The following SETBP1 variants were observed in gnomAD, a reference collection of about 807,000 sequenced individuals.
SETBP1 encodes the protein SET binding protein 1, also known as SET-binding protein.
SETBP1 carries 9 observed loss-of-function variants against 101.0 expected under a neutral mutation model. The observed-to-expected ratio is 0.09, with a 90% confidence interval of 0.05 to 0.16. The LOEUF (loss-of-function observed/expected upper bound fraction) is 0.16, where lower values mean the gene tolerates loss of function less well. SETBP1 is among the 10% of genes least tolerant of loss of function. The probability of loss-of-function intolerance (pLI) is 1.00; values close to 1 mark genes in which losing one functional copy is unlikely to be tolerated. For missense variants in SETBP1, 1,858 were observed against 2,033.8 expected (o/e 0.91, Z 1.66); for synonymous variants, 818 against 788.5 (o/e 1.04, Z -0.63).
intron 4 of SETBP1, among the ~76,000 whole-genome samples, chr18:45,006,392 G>A (rs2072728001): frequency 6.6e-6 from 1 of 152,162 alleles, no homozygotes; most frequent in Non-Finnish European, 1.5e-5. Context: ...TTGAGATGTA[G>A]TAACCAAGTT....
intron 5 of SETBP1, among the ~76,000 whole-genome samples, chr18:45,048,902 G>T (rs962405368): frequency 1.4e-5 from 2 of 143,776 alleles, no homozygotes; most frequent in Admixed American, 1.5e-4. Context: ...AACCCGGGAA[G>T]CGGAGCTTGC....
intron 4 of SETBP1, among the ~76,000 whole-genome samples, chr18:44,983,348 T>C (rs2072156579): frequency 6.6e-6 from 1 of 152,202 alleles, no homozygotes; most frequent in Non-Finnish European, 1.5e-5. Context: ...TGTTAGGTGC[T>C]ATTCTAAGTG....
intron 2 of SETBP1, among the ~76,000 whole-genome samples, chr18:44,720,099 G>T (rs1396627587): frequency 6.6e-6 from 1 of 152,186 alleles, no homozygotes; most frequent in Non-Finnish European, 1.5e-5. Flanking sequence ...GTGTGAGCAT[G>T]TATAGCCTCT....
chr18:44,927,162 A>C (rs755411036), intron 3 of SETBP1, among the ~76,000 whole-genome samples: 4 of 152,184 alleles, frequency 2.6e-5, no homozygotes, highest in Non-Finnish European at 4.4e-5. Context: ...CTAAGATTTC[A>C]TATATTTACA....
At chr18:44,985,608 G>A (rs1391748076) in intron 4 of SETBP1, among the ~76,000 whole-genome samples, 1 of 152,170 alleles carries the variant, frequency 6.6e-6, no homozygotes, top group Non-Finnish European at 1.5e-5. Flanking sequence ...TCTTTTAAAT[G>A]TTCTTAACTT....
chr18:44,995,272 G>C (rs1436407506), intron 4 of SETBP1, among the ~76,000 whole-genome samples: 1 of 150,824 alleles, frequency 6.6e-6, no homozygotes, highest in Non-Finnish European at 1.5e-5. Flanking sequence ...CTCCCGAGTA[G>C]CTGGGACTAC....
intron 2 of SETBP1, among the ~76,000 whole-genome samples, chr18:44,842,394 C>T (rs1280285339): frequency 1.3e-5 from 2 of 152,170 alleles, no homozygotes; most frequent in African/African-American, 4.8e-5. Context: ...AACCAAATTA[C>T]CGTAAATTGT....
chr18:44,739,885 G>T (rs1437587939), intron 2 of SETBP1, among the ~76,000 whole-genome samples: 1 of 152,140 alleles, frequency 6.6e-6, no homozygotes, highest in Admixed American at 6.5e-5. Context: ...AAGTGGAGGG[G>T]TTCCCATGTG....
chr18:44,793,964 G>T (rs974996880), intron 2 of SETBP1, among the ~76,000 whole-genome samples: 1 of 152,184 alleles, frequency 6.6e-6, no homozygotes, highest in African/African-American at 2.4e-5. Context: ...AAAAGAAATT[G>T]TTCTTTAATT....
intron 2 of SETBP1, among the ~76,000 whole-genome samples, chr18:44,846,583 G>C (rs1476117345): frequency 1.3e-5 from 2 of 152,186 alleles, no homozygotes; most frequent in East Asian, 3.9e-4. Flanking sequence ...AAGAATCTCA[G>C]GTGATTAGGC....
At chr18:45,017,829 C>T (rs541844615) in intron 4 of SETBP1, among the ~76,000 whole-genome samples, 34 of 152,346 alleles carry the variant, frequency 2.2e-4, no homozygotes, top group African/African-American at 7.9e-4. Flanking sequence ...CTCACTTTAG[C>T]ACGTTCCCTA....
chr18:44,818,226 A>G (rs932865042), intron 2 of SETBP1, among the ~76,000 whole-genome samples: 2 of 152,044 alleles, frequency 1.3e-5, no homozygotes, highest in South Asian at 2.1e-4. Context: ...AATTGGAGAG[A>G]TGTTTCATTG....
At chr18:44,753,290 G>A (rs189727528) in intron 2 of SETBP1, among the ~76,000 whole-genome samples, 16 of 152,164 alleles carry the variant, frequency 1.1e-4, no homozygotes, top group African/African-American at 3.6e-4. Flanking sequence ...TTTGTGCAAC[G>A]AATCATAAAA....
intron 4 of SETBP1, among the ~76,000 whole-genome samples, chr18:44,962,217 A>G (rs909431875): frequency 2.0e-5 from 3 of 152,238 alleles, no homozygotes; most frequent in Non-Finnish European, 4.4e-5. Flanking sequence ...AACAGTGTTC[A>G]GTGAAAGACA....
chr18:44,705,981 T>A (rs1599012673), intron 2 of SETBP1, among the ~76,000 whole-genome samples: 1 of 152,100 alleles, frequency 6.6e-6, no homozygotes, highest in Non-Finnish European at 1.5e-5. Flanking sequence ...GGATAGGAAT[T>A]GAGATGCTAT....
chr18:44,724,965 A>G (rs2069674585), intron 2 of SETBP1, among the ~76,000 whole-genome samples: 2 of 152,212 alleles, frequency 1.3e-5, no homozygotes, highest in South Asian at 4.1e-4. Context: ...GCAGAGTTCA[A>G]GGAGCTGTAT....
intron 2 of SETBP1, among the ~76,000 whole-genome samples, chr18:44,727,964 A>C (rs1263221156): frequency 1.3e-5 from 2 of 152,078 alleles, no homozygotes; most frequent in Non-Finnish European, 2.9e-5. Flanking sequence ...AAAGAGACTG[A>C]ATTTGAGGGG....
chr18:45,044,744 A>AC (rs2073575139), intron 5 of SETBP1, among the ~76,000 whole-genome samples: 1 of 152,198 alleles, frequency 6.6e-6, no homozygotes, highest in Non-Finnish European at 1.5e-5. Context: ...TTTTCAAAAA[A>AC]CTAAAGTTAT....
intron 2 of SETBP1, among the ~76,000 whole-genome samples, chr18:44,704,189 G>A (rs755087510): frequency 1.3e-5 from 2 of 152,158 alleles, no homozygotes; most frequent in Non-Finnish European, 2.9e-5. Context: ...TGTACCATCG[G>A]GATGATTTCA....
Sources: gnomAD v4.1 joint callset for allele counts (sites outside exome capture counted in the v4.1 genomes callset) on GRCh38, gnomAD v4.1.1 for gene constraint, MANE v1.5 for transcripts, NCBI Gene and HGNC (gene_info 2026-07-23, HGNC 2026-07-21) for gene names.